The following NECTIN3 variants were observed in gnomAD, a reference collection of about 807,000 sequenced individuals.
The protein encoded by NECTIN3 is nectin-3.
NECTIN3 carries 8 observed loss-of-function variants against 49.4 expected under a neutral mutation model. The ratio of observed to expected loss-of-function variants is 0.16; its 90% CI spans 0.10 to 0.29. The LOEUF (loss-of-function observed/expected upper bound fraction) is 0.29, where lower values mean the gene tolerates loss of function less well. Among genes scored for constraint, NECTIN3 ranks in the 10% least tolerant of loss-of-function variants. The pLI, the probability that NECTIN3 is intolerant of heterozygous loss-of-function variation, is 1.00. For missense variants in NECTIN3, 581 were observed against 654.6 expected (o/e 0.89, Z 1.23); for synonymous variants, 277 against 241.1 (o/e 1.15, Z -1.38).
chr3:111,193,269 A>G (rs1559825595), intron 1 of NECTIN3: 1 of 1,535,598 alleles, frequency 6.5e-7, no homozygotes. Flanking sequence ...CATTCAGCAG[A>G]TGTACCCCCT....
intron 1 of NECTIN3, among the ~76,000 whole-genome samples, chr3:111,102,785 T>C (rs2032978087): frequency 6.6e-6 from 1 of 152,212 alleles, no homozygotes; most frequent in Non-Finnish European, 1.5e-5. Flanking sequence ...TTTTGCATTT[T>C]ATACTTAGGT....
chr3:111,101,347 C>T (rs1336231209), intron 1 of NECTIN3, among the ~76,000 whole-genome samples: 2 of 152,066 alleles, frequency 1.3e-5, no homozygotes, highest in East Asian at 1.9e-4. Context: ...GAAATTGCTA[C>T]TTAAAGATTA....
chr3:111,125,719 CT>C (rs2034138876), intron 4 of NECTIN3, among the ~76,000 whole-genome samples: 1 of 152,040 alleles, frequency 6.6e-6, no homozygotes, highest in African/African-American at 2.4e-5. Flanking sequence ...AAATGATGCT[CT>C]ATAAATATGT....
intron 7 of NECTIN3, among the ~76,000 whole-genome samples, chr3:111,177,059 C>T (rs1480453506): frequency 6.6e-6 from 1 of 152,020 alleles, no homozygotes. Context: ...AAATTATTAA[C>T]CACTTAGAAA....
chr3:111,186,073 A>G (rs2035713753), intron 7 of NECTIN3, among the ~76,000 whole-genome samples: 2 of 152,182 alleles, frequency 1.3e-5, no homozygotes, highest in South Asian at 4.1e-4. Flanking sequence ...TCCATAAAAA[A>G]AACAGTGAGT....
At position 111,152,003 on chromosome 3, in the gene NECTIN3, A is replaced by G. The variant is rs1576165143; in HGVS notation, c.1221+4519A>G. The stretch of plus-strand genomic sequence containing the variant: ...ATTTTAATTTATTTCCCCCCTGTAT[A>G]AAAGTAATATATACATATACCTTGT... On this transcript the variant is annotated intron_variant, in intron 7 of 8. Transcript: ENST00000493615. 2.6e-5 allele frequency among the ~76,000 whole-genome samples: 4 copies of G among 151,962 alleles called. No homozygotes were observed. The South Asian group carries it at 8.3e-4, about 31-fold the overall frequency.
At chr3:111,188,363 A>G (rs779661818), upstream of NECTIN3, among the ~76,000 whole-genome samples, 2 of 152,180 alleles carry the variant, frequency 1.3e-5, no homozygotes, top group Non-Finnish European at 2.9e-5. Flanking sequence ...ACTAAATATT[A>G]TATTACAAAA....
intron 4 of NECTIN3, among the ~76,000 whole-genome samples, chr3:111,124,143 A>T (rs933071503): frequency 6.6e-6 from 1 of 152,236 alleles, no homozygotes; most frequent in Middle Eastern, 3.4e-3. Flanking sequence ...CATTTTTTTT[A>T]AATGGGAAGC....
chr3:111,137,186 A>G lies in NECTIN3; in HGVS notation c.*2971A>G, dbSNP rs2034609229. 2 of 937,146 alleles carry G rather than the reference A, an allele frequency of 2.1e-6. No homozygotes were observed. The highest frequency in any genetic ancestry group is 1.8e-5 in the African/African-American group (1 of 56,042). 58.1% of individuals were successfully genotyped at this position (937,146 alleles called of 1,614,324 possible). A position where few individuals can be genotyped will look rare whatever the true frequency, so the allele number is the denominator to read the frequency against. On this transcript the variant is annotated 3_prime_UTR_variant, in exon 6 of 6. Transcript: ENST00000485303. ...TTGATAAATACTGCTAAAACACAGTATATGAACAAGTAAGAAGTTTATGTA... is the reference window on the plus strand; with the variant it reads ...TTGATAAATACTGCTAAAACACAGTGTATGAACAAGTAAGAAGTTTATGTA...
intron 1 of NECTIN3, among the ~76,000 whole-genome samples, chr3:111,083,226 G>A (rs1421123497): frequency 6.6e-6 from 1 of 152,042 alleles, no homozygotes; most frequent in Non-Finnish European, 1.5e-5. Flanking sequence ...ACAACTCTTG[G>A]GAAAGAAAGG....
chr3:111,095,172 C>A (rs2032512192), intron 1 of NECTIN3, among the ~76,000 whole-genome samples: 1 of 151,994 alleles, frequency 6.6e-6, no homozygotes. Context: ...AGTCATGCCA[C>A]TAGGAATAAT....
intron 1 of NECTIN3, chr3:111,072,762 C>T (rs780759011): frequency 4.2e-4 from 240 of 574,906 alleles, no homozygotes; most frequent in Admixed American, 1.4e-3. Flanking sequence ...CTAGATTGAC[C>T]CTCGTCCCTG....
Position 111,136,101 on chromosome 3 carries a change from G to A in NECTIN3, c.*1886G>A, listed in dbSNP as rs909024720. On this transcript the variant is annotated 3_prime_UTR_variant, in exon 6 of 6. Transcript: ENST00000485303. ...ACGATGAGGTGGCCAGAAGAAAGAT[G>A]GGTCTAAAATTTCTCCCCATGAAAG... 1 of 983,506 alleles carries A rather than the reference G, an allele frequency of 1.0e-6. No individual in the cohort carries two copies. Among genetic ancestry groups the A allele is most frequent in the African/African-American group, 1.8e-5 (1 of 57,074 alleles). The allele number at this position is 983,506 out of a possible 1,614,324, so 60.9% of individuals were successfully genotyped here. A position where few individuals can be genotyped will look rare whatever the true frequency, so the allele number is the denominator to read the frequency against.
chr3:111,077,748 TGAAA>T (rs2031319272), intron 1 of NECTIN3, among the ~76,000 whole-genome samples: 1 of 152,234 alleles, frequency 6.6e-6, no homozygotes, highest in African/African-American at 2.4e-5. Flanking sequence ...ATCAATCTTC[TGAAA>T]GAAATGTGCT....
At chr3:111,171,239 G>C (rs1229339814) in intron 7 of NECTIN3, among the ~76,000 whole-genome samples, 1 of 152,180 alleles carries the variant, frequency 6.6e-6, no homozygotes, top group Non-Finnish European at 1.5e-5. Flanking sequence ...TAGCTCAAGA[G>C]CCTACAATGG....
Position 111,192,375 on chromosome 3 carries a change from C to T in NECTIN3, c.25C>T (p.Gln9Ter), listed in dbSNP as rs1037214866. 3.9e-6 allele frequency: 6 copies of T among 1,535,976 alleles called. No individual in the cohort carries two copies. Among genetic ancestry groups the T allele is most frequent in the Non-Finnish European group, 5.2e-6 (6 of 1,146,776 alleles). ...GCCTGAACACTTGCCTTTGCAGACT[C>T]AGTTCAAAGAAAGAGAAGTTGGCAA... is the stretch of plus-strand genomic sequence containing the variant. Residue 9 changes from glutamine (Q) to a stop codon, truncating the protein, a stop_gained, in exon 1 of 2, where the codon CAG (glutamine) becomes TAG (stop). Coordinates refer to the NECTIN3 transcript ENST00000485506. LOFTEE classifies it high-confidence loss of function.
At chr3:111,103,893 T>A (rs2033042622) in intron 1 of NECTIN3, among the ~76,000 whole-genome samples, 1 of 152,188 alleles carries the variant, frequency 6.6e-6, no homozygotes, top group Non-Finnish European at 1.5e-5. Context: ...TTACCACAAT[T>A]TGTATATTCA....
chr3:111,135,443 T>C lies in NECTIN3; in HGVS notation c.*1228T>C. The C allele has an allele frequency of 4.3e-6, 4 of 937,816 alleles. No individual in the cohort carries two copies. The highest frequency in any genetic ancestry group is 5.1e-6 in the Non-Finnish European group (4 of 786,858). The allele number at this position is 937,816 out of a possible 1,614,324, so 58.1% of individuals were successfully genotyped here. The stretch of plus-strand genomic sequence containing the variant: ...TATTCCTTCTGAATCATTTATCTTT[T>C]GAGAAAGAAATGTTACCTAAACTTC... On this transcript the variant is annotated 3_prime_UTR_variant, in exon 6 of 6. Transcript: ENST00000485303.
intron 4 of NECTIN3, among the ~76,000 whole-genome samples, chr3:111,122,749 T>C (rs960526196): frequency 6.6e-6 from 1 of 152,156 alleles, no homozygotes; most frequent in Admixed American, 6.5e-5. Context: ...ATGGCTAATA[T>C]TTGCCTCTTT....
Sources: allele counts gnomAD v4.1 joint callset (sites outside exome capture counted in the v4.1 genomes callset), GRCh38; gene constraint gnomAD v4.1.1; transcripts MANE v1.5; gene names NCBI Gene and HGNC (gene_info 2026-07-23, HGNC 2026-07-21).